Variants in LDLRAD3 observed in about 807,000 individuals in gnomAD.
LDLRAD3 encodes low-density lipoprotein receptor class A domain-containing protein 3.
LDLRAD3 carries 20 observed loss-of-function variants against 29.4 expected under a neutral mutation model. The observed-to-expected ratio is 0.68, with a 90% CI of 0.48 to 0.99. The LOEUF is 0.99. Among genes scored for constraint, LDLRAD3 ranks in the 50% least tolerant of loss-of-function variants. LDLRAD3 has a pLI of 0.00. For synonymous variants in LDLRAD3, 157 were observed against 192.7 expected (o/e 0.81, Z 1.53); for missense variants, 420 against 454.3 (o/e 0.92, Z 0.69).
chr11:36,196,565 C>A (rs1855036143), intron 4 of LDLRAD3: 1 of 152,226 alleles, frequency 6.6e-6, no homozygotes. Flanking sequence ...AGTCTGAATT[C>A]TTCCAGTTTT....
chr11:36,105,236 T>TGAGAGAGAGA (rs1392436661), intron 4 of LDLRAD3, among the ~76,000 whole-genome samples: 4 of 135,054 alleles, frequency 3.0e-5, no homozygotes, highest in African/African-American at 1.1e-4. Context: ...TGTGTGTGTG[T>TGAGAGAGAGA]GTGAGAGAGA....
intron 4 of LDLRAD3, among the ~76,000 whole-genome samples, chr11:36,144,761 G>GGT: frequency 7.3e-6 from 1 of 136,660 alleles, no homozygotes. Context: ...GGGAGGTGGG[G>GGT]GTCAGCCCCC....
intron 4 of LDLRAD3, among the ~76,000 whole-genome samples, chr11:36,143,698 G>A (rs1418152169): frequency 3.3e-5 from 5 of 152,124 alleles, no homozygotes; most frequent in Admixed American, 6.5e-5. Flanking sequence ...TCTGGAGGCC[G>A]GAAGTCCAAG....
chr11:36,170,810 T>G (rs1854588204), intron 4 of LDLRAD3, among the ~76,000 whole-genome samples: 1 of 151,750 alleles, frequency 6.6e-6, no homozygotes, highest in African/African-American at 2.4e-5. Context: ...TCTTCTTTTT[T>G]TTTTTTTTTT....
intron 2 of LDLRAD3, among the ~76,000 whole-genome samples, chr11:36,044,827 C>T (rs772714990): frequency 6.6e-6 from 1 of 152,222 alleles, no homozygotes; most frequent in African/African-American, 2.4e-5. Flanking sequence ...TCTTAATGGA[C>T]CTGCAGTGGG....
At chr11:36,228,130 CA>C (rs775123809) in intron 5 of LDLRAD3, among the ~76,000 whole-genome samples, 8 of 152,198 alleles carry the variant, frequency 5.3e-5, no homozygotes, top group Non-Finnish European at 1.0e-4. Context: ...CCCTCTTCCT[CA>C]AGCTCTGCCG....
intron 2 of LDLRAD3, among the ~76,000 whole-genome samples, chr11:36,050,067 AGAG>A (rs1216583459): frequency 6.6e-6 from 1 of 152,116 alleles, no homozygotes; most frequent in African/African-American, 2.4e-5. Context: ...TTATTTGGAG[AGAG>A]GAGGGAGAGA....
chr11:35,961,103 G>T (rs913840705), intron 1 of LDLRAD3, among the ~76,000 whole-genome samples: 3 of 152,212 alleles, frequency 2.0e-5, no homozygotes, highest in Non-Finnish European at 2.9e-5. Flanking sequence ...GGGTGATAAG[G>T]TCTCATTCTG....
intron 4 of LDLRAD3, among the ~76,000 whole-genome samples, chr11:36,220,037 A>G (rs567129348): frequency 6.6e-6 from 1 of 152,250 alleles, no homozygotes; most frequent in African/African-American, 2.4e-5. Context: ...ATTAAAGAAG[A>G]TAAGCTGTGG....
intron 1 of LDLRAD3, among the ~76,000 whole-genome samples, chr11:35,946,123 C>A (rs930066707): frequency 3.9e-5 from 6 of 152,148 alleles, no homozygotes; most frequent in Non-Finnish European, 8.8e-5. Flanking sequence ...AGGGCTGGTC[C>A]TTTTTCCTAA....
At chr11:36,007,189 G>C (rs1012144630) in intron 1 of LDLRAD3, among the ~76,000 whole-genome samples, 2 of 152,220 alleles carry the variant, frequency 1.3e-5, no homozygotes, top group African/African-American at 4.8e-5. Flanking sequence ...CGAGTAAGTG[G>C]AAGTCGTACA....
At chr11:36,062,949 A>G (rs74783549) in intron 2 of LDLRAD3, among the ~76,000 whole-genome samples, 3,464 of 152,326 alleles carry the variant, frequency 0.023, 119 homozygotes, top group East Asian at 0.14. Context: ...GAAGAAATGT[A>G]ACAATGTGTA....
intron 4 of LDLRAD3, among the ~76,000 whole-genome samples, chr11:36,222,339 C>T (rs999055816): frequency 1.3e-5 from 2 of 152,138 alleles, no homozygotes; most frequent in Admixed American, 6.5e-5. Flanking sequence ...CCTACTTTCA[C>T]CTCCCAAAGA....
chr11:36,129,373 TC>T (rs35109899), intron 4 of LDLRAD3, among the ~76,000 whole-genome samples: 2 of 152,182 alleles, frequency 1.3e-5, no homozygotes, highest in African/African-American at 4.8e-5. Context: ...GGTCTGGGAT[TC>T]CCTGTGAAAT....
chr11:36,129,341 C>A (rs144112078), intron 4 of LDLRAD3, among the ~76,000 whole-genome samples: 12 of 152,298 alleles, frequency 7.9e-5, no homozygotes, highest in South Asian at 2.1e-4. Context: ...TTTGCTGATT[C>A]GAACATTGAG....
Position 36,059,716 on chromosome 11 carries a change from G to A in LDLRAD3, c.194-21937G>A, listed in dbSNP as rs141823474. On this transcript the variant is annotated intron_variant, in intron 2 of 5. Coordinates refer to ENST00000315571, the MANE Select transcript of LDLRAD3 (RefSeq NM_174902.4). ...TCCTCAACACCCAAACTACTTGTAC[G>A]GTTGCCGACTATCACATCTCCGTAC... 2.2e-3 allele frequency among the ~76,000 whole-genome samples: 340 copies of A among 152,208 alleles called. 1 individual carries two copies. Among genetic ancestry groups the A allele is most frequent in the Middle Eastern group, 3.4e-3 (1 of 294 alleles).
intron 4 of LDLRAD3, among the ~76,000 whole-genome samples, chr11:36,188,098 C>T (rs1428665629): frequency 1.3e-5 from 2 of 151,856 alleles, no homozygotes; most frequent in African/African-American, 4.8e-5. Context: ...TACTATTGAC[C>T]CAGCATGCTT....
intron 3 of LDLRAD3, among the ~76,000 whole-genome samples, chr11:36,096,014 A>C (rs77644429): frequency 6.6e-6 from 1 of 150,388 alleles, no homozygotes; most frequent in Non-Finnish European, 1.5e-5. Context: ...CCTCGGTTTC[A>C]GCTTGATCCA....
rs115412140 is a variant in LDLRAD3, at chr11:36,094,863, T to C, written c.320-3464T>C. On this transcript the variant is annotated intron_variant, in intron 3 of 5. Coordinates refer to ENST00000315571, the MANE Select transcript of LDLRAD3 (RefSeq NM_174902.4). ...ATTTTAGTCATTTCTGATTTTTTAA[T>C]TTTGCAAATAATGGCTTCAGTAAAC... 2.9e-3 allele frequency among the ~76,000 whole-genome samples: 441 copies of C among 152,316 alleles called. 2 individuals are homozygous for C. Among genetic ancestry groups the C allele is most frequent in the African/African-American group, 0.01 (433 of 41,572 alleles).
Sources: allele counts gnomAD v4.1 joint callset (sites outside exome capture counted in the v4.1 genomes callset), GRCh38; gene constraint gnomAD v4.1.1; transcripts MANE v1.5; gene names NCBI Gene and HGNC (gene_info 2026-07-23, HGNC 2026-07-21).